Variants in CANX observed in about 807,000 individuals in gnomAD.
The protein encoded by CANX is epididymis secretory sperm binding protein.
Under a neutral mutation model 75.7 loss-of-function variants are expected in CANX, and 14 were observed. The observed-to-expected ratio is 0.19, with a 90% CI of 0.12 to 0.29. The LOEUF (loss-of-function observed/expected upper bound fraction) is 0.29, where lower values mean the gene tolerates loss of function less well. Among genes scored for constraint, CANX ranks in the 10% least tolerant of loss-of-function variants. The pLI is 1.00. For missense variants in CANX, 567 were observed against 713.2 expected (o/e 0.79, Z 2.34); for synonymous variants, 227 against 236.9 (o/e 0.96, Z 0.38).
At chr5:179,705,611 T>C in intron 1 of CANX, 68 bp from the exon 2 acceptor site, 2 of 1,037,070 alleles carry the variant, frequency 1.9e-6, no homozygotes, top group Non-Finnish European at 2.9e-6. Context: ...AATGAGAGAG[T>C]GGTTAGTGAT....
chr5:179,697,583 G>C (rs1484195105), upstream of CANX, among the ~76,000 whole-genome samples: 1 of 152,180 alleles, frequency 6.6e-6, no homozygotes, highest in Non-Finnish European at 1.5e-5. Flanking sequence ...TCCCCAGGTA[G>C]ACAGGAAACC....
At chr5:179,696,082 G>A (rs1034404116), upstream of CANX, among the ~76,000 whole-genome samples, 3 of 151,748 alleles carry the variant, frequency 2.0e-5, no homozygotes, top group Non-Finnish European at 4.4e-5. Flanking sequence ...ACTATGCCAA[G>A]CTAATTTTTG....
intron 1 of CANX, among the ~76,000 whole-genome samples, chr5:179,684,978 A>G (rs1198705380): frequency 9.5e-6 from 1 of 104,786 alleles, no homozygotes; most frequent in African/African-American, 3.8e-5. Context: ...GGTTTTCACC[A>G]TGTTGGCCCT....
rs1778994238 is a variant in CANX, at chr5:179,731,555, T to C, written c.*2911T>C. ...TCTCCATTTAAAACATTAGGATTTG[T>C]ATTTTTCTGCTGCGTTTGTATGAAG... On this transcript the variant is annotated 3_prime_UTR_variant, in exon 15 of 15. Transcript: ENST00000247461. Among the ~76,000 whole-genome samples the C allele has an allele frequency of 6.6e-6, 1 of 152,204 alleles. No homozygotes were observed. The highest frequency in any genetic ancestry group is 1.5e-5 in the Non-Finnish European group (1 of 68,036).
At chr5:179,705,986 C>A in intron 2 of CANX, 134 bp downstream of exon 2, 2 of 680,638 alleles carry the variant, frequency 2.9e-6, no homozygotes, top group Non-Finnish European at 5.1e-6. Context: ...GCCTTGGCAA[C>A]ACAGGGAGAT....
chr5:179,728,694 A>C lies in CANX; in HGVS notation c.*50A>C. On this transcript the variant is annotated 3_prime_UTR_variant, in exon 15 of 15. Coordinates refer to ENST00000247461, the MANE Select transcript of CANX (RefSeq NM_001746.4). ...GATTTCTTCTCCCTCCTCCCCTGCA[A>C]GAGTGGTCCTAGGAGAGGACCTGGC... 1 of 1,370,004 alleles carries C rather than the reference A, an allele frequency of 7.3e-7. No individual in the cohort carries two copies. The highest frequency in any genetic ancestry group is 1.0e-6 in the Non-Finnish European group (1 of 959,344). The allele number at this position is 1,370,004 out of a possible 1,614,324, so 84.9% of individuals were successfully genotyped here. A position where few individuals can be genotyped will look rare whatever the true frequency, so the allele number is the denominator to read the frequency against.
intron 1 of CANX, chr5:179,680,963 C>G: frequency 6.7e-7 from 1 of 1,495,548 alleles, no homozygotes; most frequent in African/African-American, 1.4e-5. Flanking sequence ...GATGTTTCCC[C>G]GTTAGTCCTC....
upstream of CANX, among the ~76,000 whole-genome samples, chr5:179,695,151 G>A (rs1057213841): frequency 2.0e-4 from 31 of 151,478 alleles, no homozygotes; most frequent in Admixed American, 1.6e-3. Flanking sequence ...CCGGGTTCAC[G>A]CCATTCTCCT....
intron 7 of CANX, among the ~76,000 whole-genome samples, chr5:179,714,791 ACAGGCGTGAGC>A (rs1777819053): frequency 6.6e-6 from 1 of 152,188 alleles, no homozygotes; most frequent in Non-Finnish European, 1.5e-5. Flanking sequence ...TGCTGGGATT[ACAGGCGTGAGC>A]CACTGCGCCC....
At chr5:179,703,911 T>C (rs866109242) in intron 1 of CANX, among the ~76,000 whole-genome samples, 3 of 152,184 alleles carry the variant, frequency 2.0e-5, no homozygotes, top group South Asian at 4.1e-4. Context: ...TAACATTAAG[T>C]ATCCTGATGT....
chr5:179,715,206 C>CT (rs1777853789), intron 7 of CANX, among the ~76,000 whole-genome samples: 1 of 152,172 alleles, frequency 6.6e-6, no homozygotes, highest in Non-Finnish European at 1.5e-5. Flanking sequence ...GGAATCTGGG[C>CT]TTTAATATAC....
At chr5:179,696,966 T>C (rs567551299), upstream of CANX, among the ~76,000 whole-genome samples, 1 of 152,376 alleles carries the variant, frequency 6.6e-6, no homozygotes, top group Admixed American at 6.5e-5. Flanking sequence ...ATGTTTTCAT[T>C]ATTATATCTG....
intron 13 of CANX, 62 bp downstream of exon 13, chr5:179,724,845 T>C: frequency 2.0e-6 from 3 of 1,535,060 alleles, no homozygotes; most frequent in Non-Finnish European, 2.6e-6. Flanking sequence ...GTTAAACCTT[T>C]ACAGTCAAGT....
chr5:179,711,128 A>G (rs558174856), intron 7 of CANX, among the ~76,000 whole-genome samples: 24 of 152,296 alleles, frequency 1.6e-4, no homozygotes, highest in East Asian at 1.9e-4. Flanking sequence ...TGTCAGCATT[A>G]AAAGAAGCTT....
intron 10 of CANX, among the ~76,000 whole-genome samples, chr5:179,721,900 T>G (rs1480049089): frequency 6.6e-6 from 1 of 152,174 alleles, no homozygotes; most frequent in Non-Finnish European, 1.5e-5. Context: ...GCATAGTATA[T>G]GTATATATAC....
At chr5:179,720,701 A>T (rs1414751872) in intron 10 of CANX, 141 bp downstream of exon 10, 1 of 709,812 alleles carries the variant, frequency 1.4e-6, no homozygotes, top group African/African-American at 1.8e-5. Context: ...CCTAAGTTGA[A>T]AGAGAGCTTA....
chr5:179,689,201 C>T (rs1338443592), intron 1 of CANX, among the ~76,000 whole-genome samples: 4 of 151,782 alleles, frequency 2.6e-5, no homozygotes, highest in East Asian at 1.9e-4. Context: ...GAGCAGAGAT[C>T]GTGCCACAGC....
chr5:179,723,848 A>G, intron 12 of CANX, 69 bp downstream of exon 12: 2 of 1,399,152 alleles, frequency 1.4e-6, no homozygotes, highest in Non-Finnish European at 2.0e-6. Context: ...AATAACTAAG[A>G]TATGTTGCCT....
At chr5:179,699,476 C>CG (rs1489067734) in intron 1 of CANX, 1 of 152,180 alleles carries the variant, frequency 6.6e-6, no homozygotes, top group East Asian at 1.9e-4. Flanking sequence ...AGGGTGGAAT[C>CG]GGGCCTACTA....
Sources: gnomAD v4.1 joint callset for allele counts (sites outside exome capture counted in the v4.1 genomes callset) on GRCh38, gnomAD v4.1.1 for gene constraint, MANE v1.5 for transcripts, NCBI Gene and HGNC (gene_info 2026-07-23, HGNC 2026-07-21) for gene names.